PCDHA13: variants seen among roughly 807,000 people sequenced by gnomAD.
The protein encoded by PCDHA13 is protocadherin alpha-13.
In PCDHA13, 54 loss-of-function variants were observed where a neutral mutation model predicts 64.8. The observed-to-expected ratio is 0.83, with a 90% CI of 0.67 to 1.04. PCDHA13 has a LOEUF of 1.04. Ranked by LOEUF, PCDHA13 falls within the 50% of genes least tolerant of loss-of-function variation. PCDHA13 has a pLI of 0.00. For missense variants in PCDHA13, 1,248 were observed against 1,254.3 expected, an observed-to-expected ratio of 0.99 and a Z score of 0.08; for synonymous variants, 587 against 564.4, an observed-to-expected ratio of 1.04 and a Z score of -0.57.
At chr5:140,961,936 T>C (rs1163967895) in intron 1 of PCDHA13, among the ~76,000 whole-genome samples, 1 of 151,364 alleles carries the variant, frequency 6.6e-6, no homozygotes, top group Non-Finnish European at 1.5e-5. Flanking sequence ...CAGGCTGGAG[T>C]GCAGTGGCAT....
At chr5:140,941,214 C>CTTCCTTTCTTTCTTT (rs1554214039) in intron 1 of PCDHA13, among the ~76,000 whole-genome samples, 1 of 122,414 alleles carries the variant, frequency 8.2e-6, no homozygotes, top group Non-Finnish European at 1.7e-5. Context: ...TTTCTTTCTT[C>CTTCCTTTCTTTCTTT]CTTTCTTTCT....
rs782749190 is a variant in PCDHA13 at position 140,883,887 on chromosome 5, C to G, written c.1619C>G (p.Ser540Cys). The G allele has an allele frequency of 6.2e-7, 1 of 1,613,348 alleles. No individual in the cohort carries two copies. Among genetic ancestry groups the G allele is most frequent in the South Asian group, 1.1e-5 (1 of 91,060 alleles). Residue 540 changes from serine to cysteine, a missense_variant, in exon 1 of 4, where the codon TCT becomes TGT. Ser to Cys is a moderately radical substitution (Grantham distance 112). Coordinates refer to ENST00000289272, the MANE Select transcript of PCDHA13 (RefSeq NM_018904.3). ...LLQFQVSARD[S>C]GVPPLGSNVT... ...CAGTTCCAGGTGAGCGCGCGCGACT[C>G]TGGCGTGCCGCCTCTGGGCAGCAAC...
chr5:140,884,988 ATGTT>A (rs1398620689), intron 1 of PCDHA13, among the ~76,000 whole-genome samples: 1 of 152,242 alleles, frequency 6.6e-6, no homozygotes, highest in Non-Finnish European at 1.5e-5. Context: ...CATTTAGAAA[ATGTT>A]TGTTTTAATG....
chr5:140,927,277 G>T, intron 1 of PCDHA13: 1 of 1,614,016 alleles, frequency 6.2e-7, no homozygotes, highest in Non-Finnish European at 8.5e-7. Context: ...TGCCGGCGAC[G>T]TGCAGCTGCA....
At chr5:140,927,720 G>A in intron 1 of PCDHA13, 6 of 1,614,174 alleles carry the variant, frequency 3.7e-6, no homozygotes, top group Non-Finnish European at 4.2e-6. Context: ...GCAACAGCAC[G>A]CAAGCAGAGC....
intron 3 of PCDHA13, among the ~76,000 whole-genome samples, chr5:141,007,590 GATA>G (rs1332143320): frequency 4.0e-5 from 6 of 151,858 alleles, no homozygotes; most frequent in Non-Finnish European, 8.8e-5. Context: ...TAATAATCAT[GATA>G]ATAATAAAAG....
intron 1 of PCDHA13, among the ~76,000 whole-genome samples, chr5:140,908,387 T>A (rs536105622): frequency 1.3e-5 from 2 of 152,230 alleles, no homozygotes; most frequent in Admixed American, 1.3e-4. Flanking sequence ...TCGAGCCCGA[T>A]CACATATATA....
At position 140,978,971 on chromosome 5, in the gene PCDHA13, G is replaced by T. The variant is rs782774245; in HGVS notation, c.2417G>T (p.Trp806Leu). Residue 806 changes from tryptophan (W) to leucine (L), a missense_variant, in exon 2 of 4, where the codon TGG becomes TTG. Physicochemically the swap from Trp to Leu is moderately conservative, Grantham distance 61 (BLOSUM62 -2). Coordinates refer to ENST00000289272, the MANE Select transcript of PCDHA13 (RefSeq NM_018904.3). ...LKEPRQPNPD[W>L]RYSASLRAGM... is the part of the protein sequence containing the mutation. ...CAGCCACGACAGCCCAACCCTGACT[G>T]GCGTTACTCTGCCTCCCTGAGAGCA... The T allele has an allele frequency of 6.2e-7, 1 of 1,614,170 alleles. No individual in the cohort carries two copies. The highest frequency in any genetic ancestry group is 1.1e-5 in the South Asian group (1 of 91,076).
rs782663593 is a variant in PCDHA13 at position 140,882,820 on chromosome 5, C to G, written c.552C>G (p.Asn184Lys). 2 of 1,614,102 alleles carry G rather than the reference C, an allele frequency of 1.2e-6. No homozygotes were observed. The highest frequency in any genetic ancestry group is 2.7e-5 in the African/African-American group (2 of 74,934). The stretch of plus-strand genomic sequence containing the variant: ...ATTATTTCACTTTGGACGCACAAAA[C>G]AGTCTTGAGCAAATGTCTTCATTAT... ...PNDYFTLDAQNSLEQMSSLSL... is the reference protein window; with the variant it reads ...PNDYFTLDAQKSLEQMSSLSL... The change falls in exon 1 of 4, where the codon AAC becomes AAG. Residue 184 changes from asparagine to lysine, a missense_variant. By Grantham distance (94) the Asn-to-Lys change is moderately conservative. Transcript: ENST00000289272.
intron 1 of PCDHA13, among the ~76,000 whole-genome samples, chr5:140,964,060 G>A (rs1187796756): frequency 6.6e-6 from 1 of 152,200 alleles, no homozygotes; most frequent in Non-Finnish European, 1.5e-5. Context: ...GTGTGGTCAA[G>A]GCATTAGTGT....
At position 141,010,067 on chromosome 5, in the gene PCDHA13, G is replaced by C; in HGVS notation, c.*130G>C. 6.2e-7 allele frequency: 1 copy of C among 1,604,516 alleles called. No homozygotes were observed. The highest frequency in any genetic ancestry group is 1.1e-5 in the South Asian group (1 of 89,502). ...TAGAGACCTCAGAAATCTGCAGAAA[G>C]TTCCCTGTGTCTGTCTAGAACGCAT... On this transcript the variant is annotated 3_prime_UTR_variant, in exon 4 of 4. Coordinates refer to ENST00000289272, the MANE Select transcript of PCDHA13 (RefSeq NM_018904.3).
intron 1 of PCDHA13, among the ~76,000 whole-genome samples, chr5:140,971,604 A>G (rs2096487974): frequency 6.6e-6 from 1 of 152,160 alleles, no homozygotes; most frequent in Admixed American, 6.5e-5. Flanking sequence ...TACAGATGGC[A>G]GGAGAGTCCT....
At chr5:140,990,073 G>A (rs559119700) in intron 3 of PCDHA13, among the ~76,000 whole-genome samples, 6 of 152,178 alleles carry the variant, frequency 3.9e-5, no homozygotes, top group East Asian at 1.9e-4. Context: ...AAATAAGGGG[G>A]ACAAAGGATG....
intron 1 of PCDHA13, among the ~76,000 whole-genome samples, chr5:140,947,497 T>A (rs1289449406): frequency 6.6e-6 from 1 of 151,724 alleles, no homozygotes; most frequent in Non-Finnish European, 1.5e-5. Flanking sequence ...ATAGGTCATT[T>A]AAATTTTCAT....
chr5:140,985,946 A>G (rs1265124776), intron 3 of PCDHA13, among the ~76,000 whole-genome samples: 1 of 151,962 alleles, frequency 6.6e-6, no homozygotes, highest in Non-Finnish European at 1.5e-5. Flanking sequence ...TCACTGTGTT[A>G]GCCAGGATGG....
chr5:140,934,053 G>A (rs2089601827), intron 1 of PCDHA13, among the ~76,000 whole-genome samples: 1 of 151,758 alleles, frequency 6.6e-6, no homozygotes, highest in African/African-American at 2.4e-5. Flanking sequence ...GTCTTTCCAA[G>A]GCTAACTTTT....
At chr5:140,924,906 T>TAAAAA (rs1284498744) in intron 1 of PCDHA13, among the ~76,000 whole-genome samples, 1 of 55,822 alleles carries the variant, frequency 1.8e-5, no homozygotes, top group Non-Finnish European at 3.4e-5. Context: ...AAAAAAAAAA[T>TAAAAA]AAAATAAAAT....
intron 1 of PCDHA13, among the ~76,000 whole-genome samples, chr5:140,932,553 C>T (rs1288415511): frequency 6.6e-6 from 1 of 151,798 alleles, no homozygotes; most frequent in African/African-American, 2.4e-5. Context: ...AACATACATT[C>T]CACAAGTAGA....
At chr5:140,935,638 T>G (rs1452378093) in intron 1 of PCDHA13, among the ~76,000 whole-genome samples, 2 of 152,214 alleles carry the variant, frequency 1.3e-5, no homozygotes, top group Admixed American at 6.5e-5. Context: ...TAGGGCTTGC[T>G]TTTTAAATTT....
Sources: gnomAD v4.1 joint callset for allele counts (sites outside exome capture counted in the v4.1 genomes callset) on GRCh38, gnomAD v4.1.1 for gene constraint, MANE v1.5 for transcripts, NCBI Gene and HGNC (gene_info 2026-07-23, HGNC 2026-07-21) for gene names.